Variants in LPP observed in about 807,000 individuals in gnomAD.
LPP encodes lipoma-preferred partner.
LPP carries 38 observed loss-of-function variants against 60.4 expected under a neutral mutation model. The ratio of observed to expected loss-of-function variants is 0.63; its 90% CI spans 0.49 to 0.83. LPP has a LOEUF of 0.83. Ranked by LOEUF, LPP falls within the 40% of genes least tolerant of loss-of-function variation. LPP has a pLI of 0.00. For missense variants in LPP, 902 were observed against 783.6 expected (o/e 1.15, Z -1.80); for synonymous variants, 328 against 290.8 (o/e 1.13, Z -1.30).
In LPP at chr3:188,858,738, T is replaced by C. The variant is rs115889624; in HGVS notation, c.1411-7462T>C. On this transcript the variant is annotated intron_variant, in intron 9 of 11. Coordinates refer to ENST00000617246, the MANE Select transcript of LPP (RefSeq NM_001375462.1). ...ACAAACAGAAAATTTTATAAGAAAA[T>C]TGTTTTTCTAAATTTTATTTTGATA... Among the ~76,000 whole-genome samples, 1,009 of 152,178 alleles carry C rather than the reference T, an allele frequency of 6.6e-3. 13 individuals are homozygous for C. The highest frequency in any genetic ancestry group is 0.023 in the African/African-American group (972 of 41,508).
chr3:188,493,313 T>C (rs1808940516), intron 5 of LPP, among the ~76,000 whole-genome samples: 1 of 152,206 alleles, frequency 6.6e-6, no homozygotes, highest in Non-Finnish European at 1.5e-5. Context: ...TCTGATTCCT[T>C]TTCCAGTTTA....
At chr3:188,537,391 A>G (rs1823922819) in intron 6 of LPP, among the ~76,000 whole-genome samples, 1 of 152,230 alleles carries the variant, frequency 6.6e-6, no homozygotes, top group Admixed American at 6.5e-5. Flanking sequence ...AAAGGGGCTG[A>G]AATCAGTATT....
intron 9 of LPP, among the ~76,000 whole-genome samples, chr3:188,773,936 C>T (rs2150737527): frequency 6.6e-6 from 1 of 152,282 alleles, no homozygotes; most frequent in Middle Eastern, 3.4e-3. Context: ...CGGTAGATCT[C>T]ACTTTCTCCT....
intron 2 of LPP, among the ~76,000 whole-genome samples, chr3:188,250,086 C>T (rs1222848673): frequency 6.6e-6 from 1 of 152,106 alleles, no homozygotes; most frequent in Admixed American, 6.6e-5. Context: ...TGTACTTCTC[C>T]TTTGTCAGGT....
intron 2 of LPP, among the ~76,000 whole-genome samples, chr3:188,285,721 C>T (rs1170632581): frequency 1.3e-5 from 2 of 152,266 alleles, no homozygotes; most frequent in East Asian, 3.9e-4. Context: ...ATATTCTGCC[C>T]TGTGCAAAGC....
chr3:188,287,368 T>C (rs11706161), intron 2 of LPP, among the ~76,000 whole-genome samples: 24,148 of 152,194 alleles, frequency 0.16, 2,371 homozygotes, highest in South Asian at 0.24. Flanking sequence ...AGAAGGTCTC[T>C]ATTTAAGAAA....
At chr3:188,551,488 T>C (rs1266650533) in intron 6 of LPP, among the ~76,000 whole-genome samples, 1 of 152,186 alleles carries the variant, frequency 6.6e-6, no homozygotes, top group Non-Finnish European at 1.5e-5. Context: ...TTCAAATTCA[T>C]TTTAATATTT....
intron 8 of LPP, among the ~76,000 whole-genome samples, chr3:188,755,836 A>C (rs1341593697): frequency 9.3e-5 from 3 of 32,224 alleles, no homozygotes; most frequent in African/African-American, 3.1e-4. Context: ...AAAAAAAAAA[A>C]AAAAAAAAAA....
intron 8 of LPP, among the ~76,000 whole-genome samples, chr3:188,749,651 C>G (rs1727439646): frequency 6.6e-6 from 1 of 152,088 alleles, no homozygotes; most frequent in South Asian, 2.1e-4. Flanking sequence ...CTTCTCAAGT[C>G]ATGTACAAGG....
chr3:188,810,498 T>C (rs1750602982), intron 9 of LPP, among the ~76,000 whole-genome samples: 1 of 152,128 alleles, frequency 6.6e-6, no homozygotes, highest in Admixed American at 6.6e-5. Context: ...GGAGACCACA[T>C]ACATGTAACT....
intron 9 of LPP, among the ~76,000 whole-genome samples, chr3:188,810,715 G>GA (rs1750677458): frequency 6.6e-6 from 1 of 152,084 alleles, no homozygotes; most frequent in Non-Finnish European, 1.5e-5. Flanking sequence ...GGACACTACG[G>GA]TAGTTGGTTG....
At chr3:188,759,860 A>G (rs1560167153) in intron 8 of LPP, among the ~76,000 whole-genome samples, 1 of 152,152 alleles carries the variant, frequency 6.6e-6, no homozygotes, top group Non-Finnish European at 1.5e-5. Context: ...TCCTTTCTGC[A>G]AGAACTTAGA....
chr3:188,533,691 A>T (rs1338435175), intron 6 of LPP, among the ~76,000 whole-genome samples: 1 of 152,182 alleles, frequency 6.6e-6, no homozygotes, highest in Non-Finnish European at 1.5e-5. Flanking sequence ...AGAGAAAGGG[A>T]TCTTATTCTT....
chr3:188,811,318 G>T (rs73888911), intron 9 of LPP, among the ~76,000 whole-genome samples: 4,745 of 150,482 alleles, frequency 0.032, 243 homozygotes, highest in African/African-American at 0.11. Flanking sequence ...GACCTTAGGG[G>T]TCTTGAAAGC....
intron 7 of LPP, among the ~76,000 whole-genome samples, chr3:188,679,864 C>T (rs1205256093): frequency 6.6e-6 from 1 of 152,146 alleles, no homozygotes. Flanking sequence ...TCTGCTGAAA[C>T]TCAGTAATTT....
At chr3:188,456,899 G>A (rs1797860328) in intron 4 of LPP, among the ~76,000 whole-genome samples, 1 of 152,162 alleles carries the variant, frequency 6.6e-6, no homozygotes, top group Admixed American at 6.5e-5. Context: ...TTCAGGAAAG[G>A]GTAAGAGGTA....
At chr3:188,484,196 G>T (rs1279316935) in intron 4 of LPP, among the ~76,000 whole-genome samples, 1 of 152,058 alleles carries the variant, frequency 6.6e-6, no homozygotes, top group Non-Finnish European at 1.5e-5. Flanking sequence ...GGTTATTCAT[G>T]CATCTTTATA....
chr3:188,371,641 A>ATATATTTTTTTT (rs1553878071), intron 3 of LPP, among the ~76,000 whole-genome samples: 2 of 32,172 alleles, frequency 6.2e-5, no homozygotes, highest in African/African-American at 2.5e-4. Flanking sequence ...ATATATATAT[A>ATATATTTTTTTT]TTTTTTTTTT....
intron 10 of LPP, among the ~76,000 whole-genome samples, chr3:188,867,489 A>G (rs918214827): frequency 2.0e-5 from 3 of 151,924 alleles, no homozygotes; most frequent in Non-Finnish European, 4.4e-5. Context: ...GACTACAGGC[A>G]TGCACCACCA....
Sources: gnomAD v4.1 joint callset for allele counts (sites outside exome capture counted in the v4.1 genomes callset) on GRCh38, gnomAD v4.1.1 for gene constraint, MANE v1.5 for transcripts, NCBI Gene and HGNC (gene_info 2026-07-23, HGNC 2026-07-21) for gene names.